Variants in SMYD3 observed in about 807,000 individuals in gnomAD.
SMYD3 encodes the protein histone-lysine N-methyltransferase SMYD3.
A neutral mutation model predicts 57.7 loss-of-function variants in SMYD3; 36 were observed. That is an observed-to-expected ratio of 0.62 (90% CI 0.48 to 0.82). SMYD3 has a LOEUF of 0.82. Among genes scored for constraint, SMYD3 ranks in the 40% least tolerant of loss-of-function variants. The pLI is 0.00. For missense variants in SMYD3, 515 were observed against 538.8 expected (o/e 0.96, Z 0.44); for synonymous variants, 211 against 195.0 (o/e 1.08, Z -0.68).
intron 1 of SMYD3, among the ~76,000 whole-genome samples, chr1:246,481,855 A>C (rs1209529346): frequency 6.6e-6 from 1 of 151,314 alleles, no homozygotes; most frequent in East Asian, 1.9e-4. Context: ...ACAGGGGTTC[A>C]AAAAAATTCC....
intron 8 of SMYD3, among the ~76,000 whole-genome samples, chr1:245,881,695 C>T (rs952878264): frequency 2.6e-5 from 4 of 152,102 alleles, no homozygotes; most frequent in African/African-American, 7.2e-5. Context: ...TGATACGTAA[C>T]GTTTGCTAGT....
chr1:245,807,151 T>C (rs1346816901), intron 10 of SMYD3, among the ~76,000 whole-genome samples: 1 of 151,990 alleles, frequency 6.6e-6, no homozygotes, highest in Non-Finnish European at 1.5e-5. Flanking sequence ...TGGCAAGTCC[T>C]GCTGCAGGCG....
chr1:245,830,201 T>C (rs904089665), intron 10 of SMYD3, among the ~76,000 whole-genome samples: 6 of 152,212 alleles, frequency 3.9e-5, no homozygotes, highest in Non-Finnish European at 5.9e-5. Flanking sequence ...TTTGTTCTCA[T>C]GCTGCTAATA....
At chr1:245,954,579 G>A (rs2057770572) in intron 5 of SMYD3, among the ~76,000 whole-genome samples, 2 of 152,348 alleles carry the variant, frequency 1.3e-5, no homozygotes, top group South Asian at 4.1e-4. Context: ...AGGAAGCTGA[G>A]GTGGAAGGCT....
chr1:245,849,704 G>A (rs576911746), intron 10 of SMYD3, among the ~76,000 whole-genome samples: 25 of 151,894 alleles, frequency 1.6e-4, no homozygotes, highest in Admixed American at 4.6e-4. Context: ...CCAGGTTAGA[G>A]TGCAACGACG....
chr1:245,828,307 A>T (rs932119932), intron 10 of SMYD3, among the ~76,000 whole-genome samples: 1 of 152,196 alleles, frequency 6.6e-6, no homozygotes, highest in African/African-American at 2.4e-5. Flanking sequence ...TTATTAAAGG[A>T]TATCTGGTTC....
At chr1:246,398,851 T>G (rs189109700) in intron 1 of SMYD3, among the ~76,000 whole-genome samples, 1 of 152,150 alleles carries the variant, frequency 6.6e-6, no homozygotes, top group East Asian at 1.9e-4. Context: ...ACAAGAGCTA[T>G]ATAAAATAGA....
chr1:245,874,502 T>G (rs1451687107), intron 8 of SMYD3, among the ~76,000 whole-genome samples: 1 of 152,194 alleles, frequency 6.6e-6, no homozygotes, highest in Non-Finnish European at 1.5e-5. Context: ...ATTTTGACAT[T>G]AGAACCTCTC....
intron 11 of SMYD3, among the ~76,000 whole-genome samples, chr1:245,759,032 A>G (rs911118307): frequency 6.6e-6 from 1 of 152,214 alleles, no homozygotes; most frequent in Admixed American, 6.5e-5. Flanking sequence ...CAGGTTCCCT[A>G]TCTGGCTCCT....
intron 5 of SMYD3, among the ~76,000 whole-genome samples, chr1:246,068,630 G>A (rs1421038767): frequency 1.3e-5 from 2 of 152,076 alleles, no homozygotes; most frequent in South Asian, 2.1e-4. Context: ...TCCTCATCTC[G>A]ACAAAAAGCA....
intron 5 of SMYD3, among the ~76,000 whole-genome samples, chr1:246,067,950 G>A (rs2060373133): frequency 6.6e-6 from 1 of 152,268 alleles, no homozygotes; most frequent in South Asian, 2.1e-4. Context: ...GGGGACAAAT[G>A]GTCCTCAGCA....
At position 246,016,758 on chromosome 1, in the gene SMYD3, GCTAA is replaced by G. The variant is rs374360001; in HGVS notation, c.532-86825_532-86822del. 1.9e-3 allele frequency among the ~76,000 whole-genome samples: 283 copies of G among 152,072 alleles called. 3 individuals carry two copies. Among genetic ancestry groups the G allele is most frequent in the African/African-American group, 6.3e-3 (261 of 41,470 alleles). ...AGGGCAGAATGAGGGAGCACAGCGAGCTAACTAAGGTCAAAGAAAAAGAAAACAA... is the reference window on the plus strand; with the variant it reads ...AGGGCAGAATGAGGGAGCACAGCGAGCTAAGGTCAAAGAAAAAGAAAACAA... On this transcript the variant is annotated intron_variant, in intron 5 of 11. Transcript: ENST00000490107.
chr1:246,144,351 C>T (rs2061810110), intron 5 of SMYD3, among the ~76,000 whole-genome samples: 2 of 152,146 alleles, frequency 1.3e-5, no homozygotes, highest in South Asian at 4.1e-4. Context: ...TTTATGTTTG[C>T]AATAATGTCA....
At chr1:245,808,249 GTTTC>G (rs1359576918) in intron 10 of SMYD3, among the ~76,000 whole-genome samples, 15 of 152,108 alleles carry the variant, frequency 9.9e-5, no homozygotes, top group Admixed American at 7.2e-4. Context: ...TGGCATACTT[GTTTC>G]TTTGTCTCTC....
chr1:245,894,044 G>GAGT (rs941127411), intron 8 of SMYD3, among the ~76,000 whole-genome samples: 1 of 152,228 alleles, frequency 6.6e-6, no homozygotes, highest in Non-Finnish European at 1.5e-5. Flanking sequence ...GAAGTCTGCA[G>GAGT]AGTACCTCGT....
chr1:246,445,281 G>GA (rs2067535237), intron 1 of SMYD3, among the ~76,000 whole-genome samples: 1 of 152,144 alleles, frequency 6.6e-6, no homozygotes, highest in Non-Finnish European at 1.5e-5. Context: ...ACCCTCTCCT[G>GA]AGTGTAAATC....
chr1:246,146,519 C>T (rs2061845189), intron 5 of SMYD3, among the ~76,000 whole-genome samples: 1 of 152,182 alleles, frequency 6.6e-6, no homozygotes, highest in Non-Finnish European at 1.5e-5. Flanking sequence ...AAAGAGGAGA[C>T]AGTAAACACA....
intron 5 of SMYD3, among the ~76,000 whole-genome samples, chr1:245,973,041 C>A (rs1233851991): frequency 2.6e-5 from 4 of 152,218 alleles, no homozygotes; most frequent in Non-Finnish European, 5.9e-5. Flanking sequence ...ACTACTGCCA[C>A]ACCTACCATG....
intron 5 of SMYD3, among the ~76,000 whole-genome samples, chr1:246,120,970 T>C (rs1572059558): frequency 6.6e-6 from 1 of 152,212 alleles, no homozygotes; most frequent in African/African-American, 2.4e-5. Context: ...GAAGGATGGC[T>C]TTCTTTAATC....
Sources: gnomAD v4.1 joint callset for allele counts (sites outside exome capture counted in the v4.1 genomes callset) on GRCh38, gnomAD v4.1.1 for gene constraint, MANE v1.5 for transcripts, NCBI Gene and HGNC (gene_info 2026-07-23, HGNC 2026-07-21) for gene names.